Variants in CLEC4C observed in about 807,000 individuals in gnomAD.
CLEC4C encodes C-type lectin domain family 4 member C.
A neutral mutation model predicts 27.7 loss-of-function variants in CLEC4C; 17 were observed. That is an observed-to-expected ratio of 0.61 (90% confidence interval 0.42 to 0.92). CLEC4C has a LOEUF of 0.92. CLEC4C is among the 40% of genes least tolerant of loss of function. The pLI is 0.00. For synonymous variants in CLEC4C, 80 were observed against 80.8 expected (o/e 0.99, Z 0.06); for missense variants, 244 against 257.3 (o/e 0.95, Z 0.35).
intron 2 of CLEC4C, among the ~76,000 whole-genome samples, chr12:7,742,763 T>A (rs1415952665): frequency 6.6e-6 from 1 of 151,790 alleles, no homozygotes; most frequent in Non-Finnish European, 1.5e-5. Context: ...TGAGCCGAGA[T>A]CGCACCACTG....
upstream of CLEC4C, among the ~76,000 whole-genome samples, chr12:7,747,845 C>T (rs143233732): frequency 6.0e-3 from 843 of 141,612 alleles, 8 homozygotes; most frequent in African/African-American, 0.021. Context: ...TTTCATCATA[C>T]TGGCCAGGCT....
At position 7,731,975 on chromosome 12, in the gene CLEC4C, CT is replaced by C. The variant is rs1170027410; in HGVS notation, c.382-1064del. On this transcript the variant is annotated intron_variant, in intron 4 of 5. Transcript: ENST00000360345. ...TGTCCAAAAAATGCAAACCCACCCC[CT>C]GCCCAAAAATAAAAAACAACTTTGC... 2.0e-5 allele frequency among the ~76,000 whole-genome samples: 3 copies of C among 152,128 alleles called. No homozygotes were observed. The East Asian group carries it at 5.8e-4, about 29-fold the overall frequency.
chr12:7,741,770 C>T (rs1864861363), intron 2 of CLEC4C, among the ~76,000 whole-genome samples: 3 of 152,140 alleles, frequency 2.0e-5, no homozygotes, highest in Admixed American at 2.0e-4. Flanking sequence ...GTGGCTCACA[C>T]CTGTAATCCC....
At chr12:7,743,294 G>C (rs1864898468) in intron 2 of CLEC4C, among the ~76,000 whole-genome samples, 1 of 152,026 alleles carries the variant, frequency 6.6e-6, no homozygotes, top group East Asian at 1.9e-4. Context: ...GAGACATTTA[G>C]ACATCTTTTG....
chr12:7,747,265 CA>C, intron 1 of CLEC4C, 52 bp downstream of exon 1: 1 of 1,546,138 alleles, frequency 6.5e-7, no homozygotes, highest in Non-Finnish European at 8.9e-7. Context: ...GCCTGTTTCC[CA>C]CTCCATCCTG....
At chr12:7,740,841 G>A (rs112236783) in intron 3 of CLEC4C, among the ~76,000 whole-genome samples, 15,844 of 147,074 alleles carry the variant, frequency 0.11, 1,125 homozygotes, top group Middle Eastern at 0.23. Context: ...TAATTTTGAG[G>A]TGTCTATTTT....
intron 2 of CLEC4C, among the ~76,000 whole-genome samples, chr12:7,743,323 G>T (rs1268143511): frequency 6.6e-6 from 1 of 151,134 alleles, no homozygotes; most frequent in Non-Finnish European, 1.5e-5. Flanking sequence ...GGTCTCTTTT[G>T]TTCACTGGCA....
Position 7,729,748 on chromosome 12 carries a change from GTAGA to G in CLEC4C, c.498-12_498-9del, listed in dbSNP as rs529844680. 316 of 1,613,400 alleles carry G rather than the reference GTAGA, an allele frequency of 2.0e-4. 3 individuals carry two copies. In the South Asian group the frequency reaches 3.3e-3, roughly 17 times the overall value. ...TCACCTGAGTGCCAGAATCTGAAAG[GTAGA>G]TAAAGGACAGTGGTGTTTTGAAACC... is the stretch of plus-strand genomic sequence containing the variant. On this transcript the variant is annotated splice_polypyrimidine_tract_variant and intron_variant, in intron 5 of 5. Coordinates refer to ENST00000360345, the MANE Select transcript of CLEC4C (RefSeq NM_001371390.1).
chr12:7,737,598 G>GA (rs1864758625), intron 3 of CLEC4C, 24 bp from the exon 4 acceptor site: 3 of 1,594,622 alleles, frequency 1.9e-6, no homozygotes, highest in Admixed American at 1.8e-5. Context: ...TATAGAAGAA[G>GA]AAAAAATATT....
chr12:7,746,728 C>G (rs1294949031), intron 1 of CLEC4C, among the ~76,000 whole-genome samples: 3 of 152,220 alleles, frequency 2.0e-5, no homozygotes, highest in Non-Finnish European at 4.4e-5. Flanking sequence ...AGTGGTCCTC[C>G]TGCCTCAACC....
At chr12:7,744,778 T>G (rs1256845626) in intron 2 of CLEC4C, among the ~76,000 whole-genome samples, 2 of 151,698 alleles carry the variant, frequency 1.3e-5, no homozygotes, top group Non-Finnish European at 2.9e-5. Context: ...CCATGCCAAG[T>G]TATATTTTTT....
At chr12:7,737,640 G>T in intron 3 of CLEC4C, 66 bp from the exon 4 acceptor site, 1 of 1,456,114 alleles carries the variant, frequency 6.9e-7, no homozygotes, top group Non-Finnish European at 9.3e-7. Flanking sequence ...AAAGTTATAA[G>T]CTTAGCTTGC....
chr12:7,743,842 G>A (rs903153840), intron 2 of CLEC4C, among the ~76,000 whole-genome samples: 5 of 152,052 alleles, frequency 3.3e-5, no homozygotes, highest in African/African-American at 1.2e-4. Flanking sequence ...CTGAGACTTG[G>A]TATTTATAAA....
intron 4 of CLEC4C, among the ~76,000 whole-genome samples, chr12:7,736,600 G>T (rs144962400): frequency 6.6e-6 from 1 of 151,748 alleles, no homozygotes; most frequent in South Asian, 2.1e-4. Context: ...AGTTTGCTCC[G>T]GAATTTGTTT....
At chr12:7,747,478 C>T, upstream of CLEC4C, 2 of 842,204 alleles carry the variant, frequency 2.4e-6, no homozygotes, top group East Asian at 2.5e-5. Flanking sequence ...TCCTTCTTCG[C>T]CTACTCTTGC....
In CLEC4C at chr12:7,730,749, C is replaced by T. The variant is rs750493987; in HGVS notation, c.497+48G>A. 5.3e-6 allele frequency: 5 copies of T among 948,406 alleles called. No homozygotes were observed. The East Asian group carries it at 1.2e-4, about 23-fold the overall frequency. The allele number at this position is 948,406 out of a possible 1,614,324, so 58.7% of individuals were successfully genotyped here. A position where few individuals can be genotyped will look rare whatever the true frequency, so the allele number is the denominator to read the frequency against. On this transcript the variant is annotated intron_variant, in intron 5 of 5. Transcript: ENST00000360345. Reference sequence around the variant, plus strand: ...TTAATAGCTGATGGAACACCCTAAACCCCTACATGATCAGGACCCAGTGTC... The same window carrying T: ...TTAATAGCTGATGGAACACCCTAAATCCCTACATGATCAGGACCCAGTGTC...
chr12:7,731,259 A>C (rs1465334345), intron 4 of CLEC4C, among the ~76,000 whole-genome samples: 1 of 152,074 alleles, frequency 6.6e-6, no homozygotes, highest in Non-Finnish European at 1.5e-5. Context: ...CTGCAGCTGC[A>C]CAAAGATGTA....
chr12:7,735,231 A>C (rs949572181), intron 4 of CLEC4C, among the ~76,000 whole-genome samples: 4 of 151,302 alleles, frequency 2.6e-5, no homozygotes, highest in Middle Eastern at 3.2e-3. Context: ...ATCTGGGCAC[A>C]GTGGCCCACA....
In CLEC4C at chr12:7,729,568, A is replaced by C; in HGVS notation, c.*28T>G. ...TTTCTACAACGGTGGATGCCAACCC[A>C]AACACATTTCCAGGGAGAATATTTC... On this transcript the variant is annotated 3_prime_UTR_variant, in exon 6 of 6. Coordinates refer to ENST00000360345, the MANE Select transcript of CLEC4C (RefSeq NM_001371390.1). 6.2e-7 allele frequency: 1 copy of C among 1,606,828 alleles called. No homozygotes were observed. Among genetic ancestry groups the C allele is most frequent in the Non-Finnish European group, 8.5e-7 (1 of 1,175,584 alleles).
Sources: allele counts gnomAD v4.1 joint callset (sites outside exome capture counted in the v4.1 genomes callset), GRCh38; gene constraint gnomAD v4.1.1; transcripts MANE v1.5; gene names NCBI Gene and HGNC (gene_info 2026-07-23, HGNC 2026-07-21).